Variants in FAM120A observed in about 807,000 individuals in gnomAD.
FAM120A encodes family with sequence similarity 120 member A.
Under a neutral mutation model 109.7 loss-of-function variants are expected in FAM120A, and 15 were observed. That is an observed-to-expected ratio of 0.14 (90% CI 0.09 to 0.21). The LOEUF (loss-of-function observed/expected upper bound fraction) is 0.21, where lower values mean the gene tolerates loss of function less well. Ranked by LOEUF, FAM120A falls within the 10% of genes least tolerant of loss-of-function variation. FAM120A has a pLI of 1.00. For synonymous variants in FAM120A, 493 were observed against 572.8 expected, an observed-to-expected ratio of 0.86 and a Z score of 1.99; for missense variants, 899 against 1,439.3, an observed-to-expected ratio of 0.62 and a Z score of 6.07.
At chr9:93,556,853 C>T (rs751677738) in intron 13 of FAM120A, among the ~76,000 whole-genome samples, 1 of 152,106 alleles carries the variant, frequency 6.6e-6, no homozygotes, top group Non-Finnish European at 1.5e-5. Context: ...GACCATTGCT[C>T]CTAGGGGCAA....
intron 12 of FAM120A, among the ~76,000 whole-genome samples, chr9:93,552,684 A>G (rs1862141303): frequency 6.6e-6 from 1 of 152,234 alleles, no homozygotes; most frequent in African/African-American, 2.4e-5. Context: ...GAGGGTTCCA[A>G]AATTCAGTGA....
Position 93,514,269 on chromosome 9 carries a change from C to T in FAM120A, c.1031-1398C>T, listed in dbSNP as rs78470917. On this transcript the variant is annotated intron_variant, in intron 5 of 17. Transcript: ENST00000277165. ...GAAACTGCCCCTATGATCCAATTAC[C>T]TCCACCTAGTCTCTCTGCCTAGACA... Among the ~76,000 whole-genome samples, 220 of 152,286 alleles carry T rather than the reference C, an allele frequency of 1.4e-3. 3 individuals are homozygous for T. In the East Asian group the frequency reaches 0.028, roughly 19 times the overall value.
rs773411917 is a variant in FAM120A at position 93,562,317 on chromosome 9, C to G, written c.3045+13C>G. 3.7e-6 allele frequency: 6 copies of G among 1,606,500 alleles called. No homozygotes were observed. Among genetic ancestry groups the G allele is most frequent in the Non-Finnish European group, 5.1e-6 (6 of 1,173,354 alleles). On this transcript the variant is annotated intron_variant, in intron 17 of 17. Coordinates refer to ENST00000277165, the MANE Select transcript of FAM120A (RefSeq NM_014612.5). Reference sequence around the variant, plus strand: ...GGCAGCAATTCAGGTAAGAAGACAACATGATGTTTGTGCCAGTTCAATGCC... The same window carrying G: ...GGCAGCAATTCAGGTAAGAAGACAAGATGATGTTTGTGCCAGTTCAATGCC...
At chr9:93,460,052 T>C (rs1857721850) in intron 1 of FAM120A, among the ~76,000 whole-genome samples, 1 of 152,238 alleles carries the variant, frequency 6.6e-6, no homozygotes, top group Admixed American at 6.5e-5. Flanking sequence ...GTCTAACATG[T>C]TTAGATCGAC....
chr9:93,554,612 G>GCCAA (rs1422520083), intron 12 of FAM120A, among the ~76,000 whole-genome samples: 1 of 152,138 alleles, frequency 6.6e-6, no homozygotes, highest in African/African-American at 2.4e-5. Context: ...GGCAGAGGTT[G>GCCAA]CAGTGAGCCA....
At chr9:93,561,738 A>C (rs571124240) in intron 16 of FAM120A, among the ~76,000 whole-genome samples, 1 of 152,276 alleles carries the variant, frequency 6.6e-6, no homozygotes, top group Admixed American at 6.5e-5. Context: ...CATTTATAGT[A>C]TTATGTAATT....
intron 3 of FAM120A, among the ~76,000 whole-genome samples, chr9:93,484,975 C>T (rs541939876): frequency 1.3e-5 from 2 of 152,344 alleles, no homozygotes; most frequent in East Asian, 3.9e-4. Context: ...TAGCTTACTT[C>T]CTACTCTGTG....
intron 7 of FAM120A, among the ~76,000 whole-genome samples, chr9:93,516,582 G>A (rs1860596955): frequency 1.3e-5 from 2 of 151,990 alleles, no homozygotes; most frequent in African/African-American, 4.8e-5. Flanking sequence ...GCATTTGTCC[G>A]GTGTGGTGCC....
intron 4 of FAM120A, 43 bp downstream of exon 4, chr9:93,497,642 A>G: frequency 6.3e-7 from 1 of 1,578,616 alleles, no homozygotes; most frequent in Non-Finnish European, 8.6e-7. Flanking sequence ...GATTCATGGG[A>G]TATGACGTTG....
At chr9:93,510,028 C>T (rs562709950) in intron 5 of FAM120A, among the ~76,000 whole-genome samples, 11 of 152,232 alleles carry the variant, frequency 7.2e-5, no homozygotes, top group Admixed American at 2.0e-4. Context: ...ATGCAGATGA[C>T]GTTGATGTTA....
intron 1 of FAM120A, among the ~76,000 whole-genome samples, chr9:93,465,573 CT>C (rs147946562): frequency 6.0e-5 from 9 of 151,104 alleles, no homozygotes; most frequent in Admixed American, 6.6e-5. Context: ...AATATTGACT[CT>C]TTTTTTTTAG....
At chr9:93,518,771 A>G (rs983925921) in intron 7 of FAM120A, among the ~76,000 whole-genome samples, 1 of 152,258 alleles carries the variant, frequency 6.6e-6, no homozygotes, top group African/African-American at 2.4e-5. Flanking sequence ...TGTGAGGACC[A>G]GCAGGGCTGG....
chr9:93,502,596 A>ACACACACG (rs754287212), intron 5 of FAM120A, among the ~76,000 whole-genome samples: 3 of 150,930 alleles, frequency 2.0e-5, no homozygotes, highest in South Asian at 4.2e-4. Context: ...ACACACACAC[A>ACACACACG]CACGCACACT....
At chr9:93,552,115 A>T (rs10821159) in intron 12 of FAM120A, among the ~76,000 whole-genome samples, 40,450 of 152,044 alleles carry the variant, frequency 0.27, 6,689 homozygotes, top group East Asian at 0.35. Flanking sequence ...AGATTATTAC[A>T]TCAGTATTGA....
intron 5 of FAM120A, among the ~76,000 whole-genome samples, chr9:93,504,739 G>A (rs757201430): frequency 7.2e-5 from 11 of 152,122 alleles, no homozygotes; most frequent in Non-Finnish European, 1.2e-4. Flanking sequence ...GATGGATAGC[G>A]CACTTGTGAA....
intron 2 of FAM120A, among the ~76,000 whole-genome samples, chr9:93,472,314 C>T (rs1858347874): frequency 6.6e-6 from 1 of 151,918 alleles, no homozygotes; most frequent in South Asian, 2.1e-4. Context: ...TTTATATTTG[C>T]ATTGTGTGTT....
At chr9:93,546,414 G>A (rs998944985) in intron 11 of FAM120A, among the ~76,000 whole-genome samples, 2 of 152,166 alleles carry the variant, frequency 1.3e-5, no homozygotes, top group African/African-American at 4.8e-5. Context: ...CACTATAGGG[G>A]GCTAGGGTCA....
intron 10 of FAM120A, among the ~76,000 whole-genome samples, chr9:93,535,515 T>C (rs2131489820): frequency 1.3e-5 from 2 of 152,346 alleles, no homozygotes; most frequent in South Asian, 4.1e-4. Flanking sequence ...AATACATATT[T>C]ATTTCTGAAT....
intron 8 of FAM120A, among the ~76,000 whole-genome samples, 166 bp downstream of exon 8, chr9:93,527,408 G>A (rs1861131779): frequency 6.6e-6 from 1 of 152,112 alleles, no homozygotes; most frequent in Non-Finnish European, 1.5e-5. Context: ...CTATGCCCAA[G>A]CCGGCTAGTC....
Sources: allele counts gnomAD v4.1 joint callset (sites outside exome capture counted in the v4.1 genomes callset), GRCh38; gene constraint gnomAD v4.1.1; transcripts MANE v1.5; gene names NCBI Gene and HGNC (gene_info 2026-07-23, HGNC 2026-07-21).